Variants in RFTN1 observed in about 807,000 individuals in gnomAD.
RFTN1 encodes the protein raftlin, lipid raft linker 1.
In RFTN1, 26 loss-of-function variants were observed where a neutral mutation model predicts 46.5. That is an observed-to-expected ratio of 0.56 (90% confidence interval 0.41 to 0.78). The LOEUF is 0.78. Among genes scored for constraint, RFTN1 ranks in the 30% least tolerant of loss-of-function variants. The probability of loss-of-function intolerance (pLI) is 0.00; values close to 1 mark genes in which losing one functional copy is unlikely to be tolerated. For synonymous variants in RFTN1, 261 were observed against 284.2 expected (o/e 0.92, Z 0.82); for missense variants, 693 against 718.7 (o/e 0.96, Z 0.41).
rs778383066 is a variant in RFTN1, at chr3:16,321,903, C to T, written c.1332+1473G>A. Among the ~76,000 whole-genome samples, 2 of 152,170 alleles carry T rather than the reference C, an allele frequency of 1.3e-5. No individual in the cohort carries two copies. The highest frequency in any genetic ancestry group is 6.5e-5 in the Admixed American group (1 of 15,276). ...TTCCACTGACTTGTCCCCCTGCATG[C>T]GATGCCATGACCTTCACACCAACAT... is the stretch of plus-strand genomic sequence containing the variant. On this transcript the variant is annotated intron_variant, in intron 9 of 9. Transcript: ENST00000334133. The surrounding 1 kb of genome is among the most constrained non-coding windows in gnomAD (Gnocchi z 4.8).
intron 1 of RFTN1, among the ~76,000 whole-genome samples, chr3:16,497,444 C>G (rs965388193): frequency 2.0e-5 from 3 of 152,202 alleles, no homozygotes; most frequent in African/African-American, 7.2e-5. Context: ...GGCGAAAGGA[C>G]TCTTCTCTCT....
At position 16,320,330 on chromosome 3, in the gene RFTN1, AAAG is replaced by A. The variant is rs1258232124; in HGVS notation, c.1332+3043_1332+3045del. On this transcript the variant is annotated intron_variant, in intron 9 of 9. Transcript: ENST00000334133. The surrounding 1 kb of genome is among the most constrained non-coding windows in gnomAD (Gnocchi z 4.5). ...AAAAATCTATCCATGTTGCTGATTA[AAAG>A]AAGACTAAATATGCCACATCCTCGG... Among the ~76,000 whole-genome samples, 8 of 152,226 alleles carry A rather than the reference AAAG, an allele frequency of 5.3e-5. No individual in the cohort carries two copies. Among genetic ancestry groups the A allele is most frequent in the African/African-American group, 1.7e-4 (7 of 41,450 alleles).
rs1391952229 is a variant in RFTN1 at position 16,327,910 on chromosome 3, C to CA, written c.1147-1035dup. On this transcript the variant is annotated intron_variant, in intron 7 of 9. Transcript: ENST00000334133. The surrounding 1 kb of genome is among the most constrained non-coding windows in gnomAD (Gnocchi z 4.2). Reference sequence around the variant, plus strand: ...TTACTACGGGTTCCTCACTAACACTCAAAGTGTAGCCCCCACCCCTGCTCT... The same window carrying CA: ...TTACTACGGGTTCCTCACTAACACTCAAAAGTGTAGCCCCCACCCCTGCTCT... Among the ~76,000 whole-genome samples the CA allele has an allele frequency of 6.6e-6, 1 of 151,888 alleles. No homozygotes were observed. Among genetic ancestry groups the CA allele is most frequent in the Non-Finnish European group, 1.5e-5 (1 of 67,862 alleles).
At chr3:16,358,438 TTTC>T (rs1406554856) in intron 6 of RFTN1, among the ~76,000 whole-genome samples, 11 of 150,834 alleles carry the variant, frequency 7.3e-5, no homozygotes, top group Admixed American at 4.6e-4. Flanking sequence ...GGGTTTTTTT[TTTC>T]TTTTTTCTTT....
chr3:16,473,408 T>C lies in RFTN1; in HGVS notation c.145+20317A>G, dbSNP rs536843098. On this transcript the variant is annotated intron_variant, in intron 2 of 9. Coordinates refer to ENST00000334133, the MANE Select transcript of RFTN1 (RefSeq NM_015150.2). This position sits in a 1 kb window ranked among gnomAD's most constrained non-coding sequence, Gnocchi z 5.3. ...TCTGTTTTCTTTCTTTTTTCTTTTT[T>C]TTTTTTTCCTGAGATAGAGTCTGGC... Among the ~76,000 whole-genome samples the C allele has an allele frequency of 1.3e-5, 2 of 151,942 alleles. No homozygotes were observed. Among genetic ancestry groups the C allele is most frequent in the South Asian group, 2.1e-4 (1 of 4,798 alleles).
rs1044895205 is a variant in RFTN1 at position 16,507,807 on chromosome 3, G to A, written c.-9+5635C>T. On this transcript the variant is annotated intron_variant, in intron 1 of 9. Coordinates refer to ENST00000334133, the MANE Select transcript of RFTN1 (RefSeq NM_015150.2). The surrounding 1 kb of genome is among the most constrained non-coding windows in gnomAD (Gnocchi z 7.1). Reference sequence around the variant, plus strand: ...CACATACACACAAACACACACAAACGCACATACATACATACATACACACAC... The same window carrying A: ...CACATACACACAAACACACACAAACACACATACATACATACATACACACAC... Among the ~76,000 whole-genome samples, 2 of 132,928 alleles carry A rather than the reference G, an allele frequency of 1.5e-5. No individual in the cohort carries two copies. Among genetic ancestry groups the A allele is most frequent in the Non-Finnish European group, 3.1e-5 (2 of 63,522 alleles). The allele number at this position is 132,928 out of a possible 152,430, so 87.2% of individuals were successfully genotyped here. A position where few individuals can be genotyped will look rare whatever the true frequency, so the allele number is the denominator to read the frequency against.
rs113113176 is a variant in RFTN1, at chr3:16,321,009, GA to G, written c.1332+2366del. ...TAGCTGAGGCGAGTGATGGTAGAGA[GA>G]AGTGGAGGGATTCCAGAGCCTCCGG... On this transcript the variant is annotated intron_variant, in intron 9 of 9. Transcript: ENST00000334133. The surrounding 1 kb of genome is among the most constrained non-coding windows in gnomAD (Gnocchi z 4.8). 6.7e-4 allele frequency among the ~76,000 whole-genome samples: 102 copies of G among 152,350 alleles called. No homozygotes were observed. Among genetic ancestry groups the G allele is most frequent in the African/African-American group, 2.2e-3 (93 of 41,580 alleles).
At position 16,427,631 on chromosome 3, in the gene RFTN1, A is replaced by G. The variant is rs1287558427; in HGVS notation, c.332+6220T>C. The stretch of plus-strand genomic sequence containing the variant: ...ATGAAGCAGCTCACCGTAACTCTCA[A>G]CAACCCACTGCATCTCTTCTAAGAA... On this transcript the variant is annotated intron_variant, in intron 3 of 9. Coordinates refer to ENST00000334133, the MANE Select transcript of RFTN1 (RefSeq NM_015150.2). The surrounding 1 kb of genome is among the most constrained non-coding windows in gnomAD (Gnocchi z 5.4). 3.9e-5 allele frequency among the ~76,000 whole-genome samples: 6 copies of G among 152,202 alleles called. No homozygotes were observed. Among genetic ancestry groups the G allele is most frequent in the Non-Finnish European group, 5.9e-5 (4 of 68,028 alleles).
At chr3:16,453,584 GA>G (rs1281401268) in intron 2 of RFTN1, among the ~76,000 whole-genome samples, 1 of 152,166 alleles carries the variant, frequency 6.6e-6, no homozygotes, top group Admixed American at 6.5e-5. Context: ...TTACAGCGAA[GA>G]AAAACAAAGC....
rs146312183 is a variant in RFTN1, at chr3:16,346,077, T to C, written c.1146+11855A>G. 1.8e-4 allele frequency: 27 copies of C among 152,254 alleles called. No homozygotes were observed. Among genetic ancestry groups the C allele is most frequent in the African/African-American group, 4.1e-4 (17 of 41,560 alleles). 9.4% of individuals were successfully genotyped at this position (152,254 alleles called of 1,614,324 possible). On this transcript the variant is annotated intron_variant, in intron 7 of 9. Transcript: ENST00000334133. The surrounding 1 kb of genome is among the most constrained non-coding windows in gnomAD (Gnocchi z 4.4). ...CATACTTGCCTCTCCCCTCGTCAGA[T>C]TGAAAAGGTTCCTATGATTTAGGGT...
chr3:16,494,010 A>G (rs1042123463), intron 1 of RFTN1, 133 bp from the exon 2 acceptor site: 23 of 948,468 alleles, frequency 2.4e-5, no homozygotes, highest in Non-Finnish European at 3.6e-5. Context: ...AACTGAGAGT[A>G]TAATTTAATA....
chr3:16,507,474 T>C lies in RFTN1; in HGVS notation c.-9+5968A>G, dbSNP rs1458717142. Among the ~76,000 whole-genome samples, 1 of 152,192 alleles carries C rather than the reference T, an allele frequency of 6.6e-6. No homozygotes were observed. The highest frequency in any genetic ancestry group is 1.9e-4 in the East Asian group (1 of 5,200). Reference sequence around the variant, plus strand: ...AGAGTCTATGATTAACCAAATCTCTTACCCAACTTTCTGAGTAAAATCTAT... The same window carrying C: ...AGAGTCTATGATTAACCAAATCTCTCACCCAACTTTCTGAGTAAAATCTAT... On this transcript the variant is annotated intron_variant, in intron 1 of 9. Coordinates refer to ENST00000334133, the MANE Select transcript of RFTN1 (RefSeq NM_015150.2). The surrounding 1 kb of genome is among the most constrained non-coding windows in gnomAD (Gnocchi z 7.1).
chr3:16,482,042 G>C (rs553902466), intron 2 of RFTN1, among the ~76,000 whole-genome samples: 81 of 152,224 alleles, frequency 5.3e-4, no homozygotes, highest in African/African-American at 1.5e-3. Context: ...GCTCCAGTGG[G>C]TTATTGACCA....
rs2076834388 is a variant in RFTN1 at position 16,507,805 on chromosome 3, ACG to A, written c.-9+5635_-9+5636del. On this transcript the variant is annotated intron_variant, in intron 1 of 9. Transcript: ENST00000334133. The surrounding 1 kb of genome is among the most constrained non-coding windows in gnomAD (Gnocchi z 7.1). The stretch of plus-strand genomic sequence containing the variant: ...CTCACATACACACAAACACACACAA[ACG>A]CACATACATACATACATACACACAC... 1.4e-5 allele frequency among the ~76,000 whole-genome samples: 2 copies of A among 141,690 alleles called. No homozygotes were observed. Among genetic ancestry groups the A allele is most frequent in the African/African-American group, 5.5e-5 (2 of 36,648 alleles). 93.0% of individuals were successfully genotyped at this position (141,690 alleles called of 152,430 possible). A position where few individuals can be genotyped will look rare whatever the true frequency, so the allele number is the denominator to read the frequency against.
chr3:16,329,103 A>C lies in RFTN1; in HGVS notation c.1147-2227T>G, dbSNP rs1188957962. On this transcript the variant is annotated intron_variant, in intron 7 of 9. Coordinates refer to ENST00000334133, the MANE Select transcript of RFTN1 (RefSeq NM_015150.2). The surrounding 1 kb of genome is among the most constrained non-coding windows in gnomAD (Gnocchi z 4.5). The stretch of plus-strand genomic sequence containing the variant: ...GGGCTCCACTCTTGTGAATGGGTTA[A>C]TGCCAACTCAGGCAAAGGGCTTGAG... Among the ~76,000 whole-genome samples, 1 of 152,234 alleles carries C rather than the reference A, an allele frequency of 6.6e-6. No homozygotes were observed. The highest frequency in any genetic ancestry group is 1.5e-5 in the Non-Finnish European group (1 of 68,048).
Position 16,449,372 on chromosome 3 carries a change from C to T in RFTN1, c.146-15335G>A, listed in dbSNP as rs2124901394. 6.6e-6 allele frequency among the ~76,000 whole-genome samples: 1 copy of T among 152,302 alleles called. No individual in the cohort carries two copies. Among genetic ancestry groups the T allele is most frequent in the African/African-American group, 2.4e-5 (1 of 41,578 alleles). On this transcript the variant is annotated intron_variant, in intron 2 of 9. Transcript: ENST00000334133. This position sits in a 1 kb window ranked among gnomAD's most constrained non-coding sequence, Gnocchi z 5.1. ...GTTCAAATTTCAGTGCCATCCCTTACTAGCCATATGACTTTGGGTGAATTA... is the reference window on the plus strand; with the variant it reads ...GTTCAAATTTCAGTGCCATCCCTTATTAGCCATATGACTTTGGGTGAATTA...
intron 1 of RFTN1, among the ~76,000 whole-genome samples, chr3:16,505,404 G>A (rs1405940797): frequency 1.3e-5 from 2 of 152,152 alleles, no homozygotes; most frequent in Admixed American, 6.5e-5. Context: ...TTCTCTATTA[G>A]TCAGGGTTCT....
In RFTN1 at chr3:16,483,664, A is replaced by G; in HGVS notation, c.145+10061T>C. Among the ~76,000 whole-genome samples the G allele has an allele frequency of 6.6e-6, 1 of 152,236 alleles. No homozygotes were observed. Among genetic ancestry groups the G allele is most frequent in the East Asian group, 1.9e-4 (1 of 5,208 alleles). On this transcript the variant is annotated intron_variant, in intron 2 of 9. Transcript: ENST00000334133. The surrounding 1 kb of genome is among the most constrained non-coding windows in gnomAD (Gnocchi z 4.8). ...AAAGAAAGTAAGTTATGATTTGGTCATAATACATAGGTAGGTAAGTAAACA... is the reference window on the plus strand; with the variant it reads ...AAAGAAAGTAAGTTATGATTTGGTCGTAATACATAGGTAGGTAAGTAAACA...
intron 2 of RFTN1, among the ~76,000 whole-genome samples, chr3:16,463,016 A>G (rs1473002566): frequency 2.0e-5 from 3 of 152,252 alleles, no homozygotes; most frequent in African/African-American, 4.8e-5. Context: ...CACAGGAAGC[A>G]TGAGGCTAGA....
Sources: gnomAD v4.1 joint callset for allele counts (sites outside exome capture counted in the v4.1 genomes callset) on GRCh38, gnomAD v4.1.1 for gene constraint, Gnocchi (gnomAD v3.1) non-coding constraint, MANE v1.5 for transcripts, NCBI Gene and HGNC (gene_info 2026-07-23, HGNC 2026-07-21) for gene names.